The following SNX16 variants were observed in gnomAD, a reference collection of about 807,000 sequenced individuals.
SNX16 encodes sorting nexin-16.
In SNX16, 35 loss-of-function variants were observed where a neutral mutation model predicts 36.7. That is an observed-to-expected ratio of 0.95 (90% CI 0.73 to 1.27). The LOEUF (loss-of-function observed/expected upper bound fraction) is 1.27. SNX16 is among the 50% of genes most tolerant of loss of function. The pLI is 0.00. For missense variants in SNX16, 367 were observed against 393.6 expected (o/e 0.93, Z 0.57); for synonymous variants, 134 against 132.0 (o/e 1.02, Z -0.10).
At chr8:81,828,573 G>C in intron 3 of SNX16, among the ~76,000 whole-genome samples, 1 of 152,174 alleles carries the variant, frequency 6.6e-6, no homozygotes, top group African/African-American at 2.4e-5. Flanking sequence ...GATGGTCCAT[G>C]ATCTTTGCCT....
In SNX16 at chr8:81,815,288, G is replaced by C. The variant is rs746648023; in HGVS notation, c.681+37C>G. 8.0e-6 allele frequency: 12 copies of C among 1,493,038 alleles called. No homozygotes were observed. In the Admixed American group the frequency reaches 1.9e-4, roughly 24 times the overall value. 92.5% of individuals were successfully genotyped at this position (1,493,038 alleles called of 1,614,324 possible). On this transcript the variant is annotated intron_variant, in intron 5 of 7. Coordinates refer to ENST00000345957, the MANE Select transcript of SNX16 (RefSeq NM_152836.3). Reference sequence around the variant, plus strand: ...ATGTAGTTATTGTACTGCATTAATTGTTCCTCTTTTCATGTGCTATATAAT... The same window carrying C: ...ATGTAGTTATTGTACTGCATTAATTCTTCCTCTTTTCATGTGCTATATAAT...
chr8:81,809,975 G>C (rs1487026010), intron 5 of SNX16, among the ~76,000 whole-genome samples: 1 of 152,122 alleles, frequency 6.6e-6, no homozygotes, highest in Non-Finnish European at 1.5e-5. Flanking sequence ...TTCTGGGATA[G>C]AGATCAAACA....
chr8:81,826,959 A>G (rs1283425668), intron 3 of SNX16, among the ~76,000 whole-genome samples: 1 of 152,200 alleles, frequency 6.6e-6, no homozygotes, highest in Non-Finnish European at 1.5e-5. Flanking sequence ...TTGTAAAATG[A>G]AAAATCCTAA....
chr8:81,814,245 A>AT (rs1810383579), intron 5 of SNX16, among the ~76,000 whole-genome samples: 1 of 152,054 alleles, frequency 6.6e-6, no homozygotes, highest in South Asian at 2.1e-4. Context: ...TAATGAAATA[A>AT]TTATAGAGGA....
chr8:81,827,583 A>T (rs1438142259), intron 3 of SNX16, among the ~76,000 whole-genome samples: 1 of 152,178 alleles, frequency 6.6e-6, no homozygotes, highest in Non-Finnish European at 1.5e-5. Context: ...ATACATTAAA[A>T]ATAACACTTT....
chr8:81,828,409 T>C (rs1374615841), intron 3 of SNX16, among the ~76,000 whole-genome samples: 1 of 152,202 alleles, frequency 6.6e-6, no homozygotes, highest in South Asian at 2.1e-4. Flanking sequence ...TCCAGGTTTA[T>C]TGATCATTTA....
intron 5 of SNX16, among the ~76,000 whole-genome samples, chr8:81,812,862 T>C (rs964624695): frequency 6.6e-6 from 1 of 151,954 alleles, no homozygotes; most frequent in Non-Finnish European, 1.5e-5. Context: ...TAGATAACAA[T>C]AGCAACACAA....
In SNX16 at chr8:81,840,039, C is replaced by A; in HGVS notation, c.-53G>T. 4 of 1,516,184 alleles carry A rather than the reference C, an allele frequency of 2.6e-6. No individual in the cohort carries two copies. The South Asian group carries it at 4.0e-5, about 15-fold the overall frequency. The allele number at this position is 1,516,184 out of a possible 1,614,324, so 93.9% of individuals were successfully genotyped here. A position where few individuals can be genotyped will look rare whatever the true frequency, so the allele number is the denominator to read the frequency against. On this transcript the variant is annotated 5_prime_UTR_variant, in exon 2 of 8. Coordinates refer to ENST00000345957, the MANE Select transcript of SNX16 (RefSeq NM_152836.3). ...CACACTGTTGAGTCCACTTAGAGAACAACTAATATGCAATCCATTATTTTC... is the reference window on the plus strand; with the variant it reads ...CACACTGTTGAGTCCACTTAGAGAAAAACTAATATGCAATCCATTATTTTC...
chr8:81,823,295 C>CA (rs1448414373), intron 4 of SNX16, among the ~76,000 whole-genome samples: 1 of 151,634 alleles, frequency 6.6e-6, no homozygotes, highest in Non-Finnish European at 1.5e-5. Flanking sequence ...TATTCTGAAG[C>CA]AAAAAACCCA....
chr8:81,802,968 T>C (rs2130574360), intron 6 of SNX16, 124 bp downstream of exon 6: 1 of 853,852 alleles, frequency 1.2e-6, no homozygotes, highest in South Asian at 3.4e-5. Flanking sequence ...CAATGAAGTA[T>C]GCCAAAAGCC....
In SNX16 at chr8:81,811,557, CA is replaced by C. The variant is rs1810252564; in HGVS notation, c.681+3767del. Among the ~76,000 whole-genome samples the C allele has an allele frequency of 2.0e-5, 3 of 151,952 alleles. No individual in the cohort carries two copies. In the South Asian group the frequency reaches 6.2e-4, roughly 31 times the overall value. ...AAGCTATGCAGAAATACAAGAAAGC[CA>C]GGCTTAAAAATAAAATGAGGAAAAA... On this transcript the variant is annotated intron_variant, in intron 5 of 7. Coordinates refer to ENST00000345957, the MANE Select transcript of SNX16 (RefSeq NM_152836.3).
At chr8:81,828,291 T>C (rs932110635) in intron 3 of SNX16, among the ~76,000 whole-genome samples, 1 of 152,178 alleles carries the variant, frequency 6.6e-6, no homozygotes, top group African/African-American at 2.4e-5. Flanking sequence ...CCTAGGAAGA[T>C]TCATACTTCC....
chr8:81,801,443 G>T lies in SNX16; in HGVS notation c.*54C>A. 2.0e-6 allele frequency: 2 copies of T among 978,456 alleles called. No individual in the cohort carries two copies. Among genetic ancestry groups the T allele is most frequent in the Non-Finnish European group, 1.5e-6 (1 of 654,212 alleles). 60.6% of individuals were successfully genotyped at this position (978,456 alleles called of 1,614,324 possible). ...TGGTTCTTCTTTTAAAATAGTATTTGCCACTCTTCTAAATTTTTGAATAGT... is the reference window on the plus strand; with the variant it reads ...TGGTTCTTCTTTTAAAATAGTATTTTCCACTCTTCTAAATTTTTGAATAGT... On this transcript the variant is annotated 3_prime_UTR_variant, in exon 8 of 8. Coordinates refer to ENST00000345957, the MANE Select transcript of SNX16 (RefSeq NM_152836.3).
intron 5 of SNX16, among the ~76,000 whole-genome samples, chr8:81,805,860 G>T (rs2130594774): frequency 6.6e-6 from 1 of 152,164 alleles, no homozygotes; most frequent in South Asian, 2.1e-4. Flanking sequence ...GGCGGAGCTT[G>T]CAGCAAGCCG....
At position 81,821,866 on chromosome 8, in the gene SNX16, T is replaced by C. The variant is rs546324613; in HGVS notation, c.611+1926A>G. Among the ~76,000 whole-genome samples, 30 of 152,218 alleles carry C rather than the reference T, an allele frequency of 2.0e-4. No individual in the cohort carries two copies. The South Asian group carries it at 5.8e-3, about 29-fold the overall frequency. On this transcript the variant is annotated intron_variant, in intron 4 of 7. Transcript: ENST00000345957. ...GTTGTTAAACATCTTACAATCAATC[T>C]GGTGGGAGAAAGACAAATATTGACA...
chr8:81,812,363 C>T (rs933499837), intron 5 of SNX16, among the ~76,000 whole-genome samples: 1 of 152,016 alleles, frequency 6.6e-6, no homozygotes, highest in Admixed American at 6.6e-5. Flanking sequence ...GAGATCTACA[C>T]CCCAATACAT....
intron 4 of SNX16, among the ~76,000 whole-genome samples, chr8:81,821,007 A>C (rs1056008801): frequency 2.1e-4 from 32 of 151,428 alleles, no homozygotes; most frequent in African/African-American, 7.7e-4. Context: ...GATAGTGAGT[A>C]CCAAGGCACA....
At chr8:81,823,611 A>T (rs998370092) in intron 4 of SNX16, among the ~76,000 whole-genome samples, 181 bp downstream of exon 4, 1 of 152,162 alleles carries the variant, frequency 6.6e-6, no homozygotes, top group Non-Finnish European at 1.5e-5. Context: ...TGAAATGTCA[A>T]ATAAAGTCCT....
intron 5 of SNX16, among the ~76,000 whole-genome samples, chr8:81,806,704 A>C (rs1809965506): frequency 6.6e-6 from 1 of 152,212 alleles, no homozygotes; most frequent in Non-Finnish European, 1.5e-5. Context: ...AATGAAATGA[A>C]AGATATTACG....
Sources: allele counts gnomAD v4.1 joint callset (sites outside exome capture counted in the v4.1 genomes callset), GRCh38; gene constraint gnomAD v4.1.1; transcripts MANE v1.5; gene names NCBI Gene and HGNC (gene_info 2026-07-23, HGNC 2026-07-21).